The following ALLC variants were observed in gnomAD, a reference collection of about 807,000 sequenced individuals.
ALLC encodes the protein allantoicase.
A neutral mutation model predicts 45.0 loss-of-function variants in ALLC; 40 were observed. The observed-to-expected ratio is 0.89, with a 90% CI of 0.69 to 1.16. The LOEUF is 1.16. ALLC is among the 50% of genes most tolerant of loss of function. The pLI is 0.00. For synonymous variants in ALLC, 176 were observed against 178.1 expected (o/e 0.99, Z 0.09); for missense variants, 488 against 493.1 (o/e 0.99, Z 0.10).
Position 3,697,409 on chromosome 2 carries a change from A to G in ALLC, c.803A>G (p.His268Arg), listed in dbSNP as rs200948204. The G allele has an allele frequency of 1.2e-6, 2 of 1,613,956 alleles. No individual in the cohort carries two copies. Among genetic ancestry groups the G allele is most frequent in the South Asian group, 1.1e-5 (1 of 91,080 alleles). ...GAATGGGCAGTTTTCCGATTGGCAC[A>G]TCCTGGAGTAATAACTCGAATTGAA... ...GCEWAVFRLA[H>R]PGVITRIEID... Residue 268 changes from histidine (H) to arginine (R), a missense_variant, in exon 10 of 12, where the codon CAT becomes CGT. His to Arg is a conservative substitution (Grantham distance 29). Transcript: ENST00000252505.
Position 3,701,779 on chromosome 2 carries a change from C to CT in ALLC, c.975+146dup. ...GAGGTTTAAAACCCCTATCTGCAAA[C>CT]TTTAAGAAGAAAGGCTCTATTTCTC... On this transcript the variant is annotated intron_variant, in intron 11 of 11. Transcript: ENST00000252505. 3 of 1,041,764 alleles carry CT rather than the reference C, an allele frequency of 2.9e-6. No individual in the cohort carries two copies. In the South Asian group the frequency reaches 7.7e-5, roughly 27 times the overall value. The allele number at this position is 1,041,764 out of a possible 1,614,324, so 64.5% of individuals were successfully genotyped here.
Position 3,662,720 on chromosome 2 carries a change from C to G in ALLC, c.-63+4426C>G, listed in dbSNP as rs988303573. ...ACCTGAGTACAATCCATTCTTCTAG[C>G]CTGCAGTCACCCTACTCTCGAAAGA... On this transcript the variant is annotated intron_variant, in intron 1 of 11. Coordinates refer to ENST00000252505, the MANE Select transcript of ALLC (RefSeq NM_018436.4). Among the ~76,000 whole-genome samples the G allele has an allele frequency of 1.7e-4, 26 of 152,300 alleles. No homozygotes were observed. In the South Asian group the frequency reaches 2.3e-3, roughly 13 times the overall value.
intron 2 of ALLC, among the ~76,000 whole-genome samples, chr2:3,672,774 G>A (rs983707485): frequency 4.6e-5 from 7 of 151,856 alleles, no homozygotes; most frequent in South Asian, 2.1e-4. Flanking sequence ...TGGTTAGATC[G>A]GAGGTCCTCT....
Position 3,702,355 on chromosome 2 carries a change from C to T in ALLC, c.976-8C>T, listed in dbSNP as rs765389772. On this transcript the variant is annotated splice_polypyrimidine_tract_variant and splice_region_variant and intron_variant, in intron 11 of 11. Transcript: ENST00000252505. The stretch of plus-strand genomic sequence containing the variant: ...AGACTAGGACCTCTGCATCTGCTTG[C>T]TTTTCAGTTGTCTCCCAACCAAAGT... The T allele has an allele frequency of 1.9e-6, 3 of 1,612,246 alleles. No homozygotes were observed. The Admixed American group carries it at 5.0e-5, about 27-fold the overall frequency.
the ALLC span, among the ~76,000 whole-genome samples, chr2:3,651,309 TGGGTGGGG>T: frequency 0.3 from 3,481 of 11,658 alleles, 955 homozygotes; most frequent in African/African-American, 0.51. Flanking sequence ...GGTGGGTGGG[TGGGTGGGG>T]GGGGTGTGTG....
the ALLC span, among the ~76,000 whole-genome samples, chr2:3,646,507 T>C: frequency 6.6e-6 from 1 of 152,214 alleles, no homozygotes; most frequent in Non-Finnish European, 1.5e-5. Context: ...AACAAGTTTA[T>C]TCCGGACCTG....
At chr2:3,681,788 C>A in intron 6 of ALLC, 75 bp downstream of exon 6, 1 of 1,181,408 alleles carries the variant, frequency 8.5e-7, no homozygotes, top group Non-Finnish European at 1.2e-6. Context: ...GCACACCTGG[C>A]TGTGCAAGGC....
rs1281628639 is a variant in ALLC, at chr2:3,671,085, C to A, written c.-62-11C>A. ...CCCCCAAGGTTGACCGAGCTGCCCT[C>A]TCCCTTCCAGGAAGCACGGCTGATG... is the stretch of plus-strand genomic sequence containing the variant. On this transcript the variant is annotated splice_polypyrimidine_tract_variant and intron_variant, in intron 1 of 11. Coordinates refer to ENST00000252505, the MANE Select transcript of ALLC (RefSeq NM_018436.4). The A allele has an allele frequency of 3.2e-6, 5 of 1,557,692 alleles. No homozygotes were observed. In the East Asian group the frequency reaches 1.2e-4, roughly 36 times the overall value.
chr2:3,676,745 C>A (rs35362305), intron 3 of ALLC, among the ~76,000 whole-genome samples: 2 of 152,024 alleles, frequency 1.3e-5, no homozygotes, highest in African/African-American at 4.8e-5. Context: ...AGTGTGTGCA[C>A]GTGTGTCGGT....
chr2:3,682,816 T>C lies in ALLC; in HGVS notation c.379-126T>C, dbSNP rs146099898. On this transcript the variant is annotated intron_variant, in intron 6 of 11. Coordinates refer to ENST00000252505, the MANE Select transcript of ALLC (RefSeq NM_018436.4). The stretch of plus-strand genomic sequence containing the variant: ...CTGGGATTACAGGCGTGAGCCACCG[T>C]GCCCGGCATCCATCATTAATTTTTA... The C allele has an allele frequency of 3.2e-3, 3,273 of 1,008,586 alleles. 69 individuals are homozygous for C. The African/African-American group carries it at 0.041, about 13-fold the overall frequency. 62.5% of individuals were successfully genotyped at this position (1,008,586 alleles called of 1,614,324 possible).
the ALLC span, among the ~76,000 whole-genome samples, chr2:3,652,744 G>C: frequency 6.6e-6 from 1 of 151,972 alleles, no homozygotes; most frequent in African/African-American, 2.4e-5. Context: ...CACATGCCCG[G>C]CTAATTTTTT....
rs574711719 is a variant in ALLC, at chr2:3,660,553, C to A, written c.-63+2259C>A. Among the ~76,000 whole-genome samples, 12 of 151,308 alleles carry A rather than the reference C, an allele frequency of 7.9e-5. 1 individual carries two copies. In the East Asian group the frequency reaches 2.3e-3, roughly 29 times the overall value. On this transcript the variant is annotated intron_variant, in intron 1 of 11. Transcript: ENST00000252505. ...CTTGAATATCAATTTTTTTTTTCTT[C>A]TCGGCAAGACCATTTACTGCTATAG...
chr2:3,651,302 GGGTGGGT>G, the ALLC span, among the ~76,000 whole-genome samples: 2 of 5,016 alleles, frequency 4.0e-4, no homozygotes, highest in African/African-American at 1.2e-3. Context: ...CTTTTTGGGT[GGGTGGGT>G]GGGTGGGGGG....
At chr2:3,651,297 T>TGGGGGGGGGGGGGGGGGG in the ALLC span, among the ~76,000 whole-genome samples, 1 of 1,720 alleles carries the variant, frequency 5.8e-4, no homozygotes, top group East Asian at 0.015. Context: ...GAATTCTTTT[T>TGGGGGGGGGGGGGGGGGG]GGGTGGGTGG....
At position 3,681,672 on chromosome 2, in the gene ALLC, G is replaced by A; in HGVS notation, c.337G>A (p.Gly113Arg). The part of the protein sequence containing the change: ...PEIPERGTRT[G>R]AAATPEEFEA... ...AATCCCAGAAAGAGGAACCAGGACA[G>A]GAGCTGCAGCCACTCCTGAGGAGTT... The change falls in exon 6 of 12, where the codon GGA (glycine) becomes AGA (arginine). Residue 113 changes from glycine to arginine, a missense_variant. Coordinates refer to ENST00000252505, the MANE Select transcript of ALLC (RefSeq NM_018436.4). The A allele has an allele frequency of 6.2e-7, 1 of 1,611,262 alleles. No individual in the cohort carries two copies. Among genetic ancestry groups the A allele is most frequent in the Non-Finnish European group, 8.5e-7 (1 of 1,178,652 alleles).
At chr2:3,675,740 A>G (rs1161749222) in intron 3 of ALLC, among the ~76,000 whole-genome samples, 1 of 152,222 alleles carries the variant, frequency 6.6e-6, no homozygotes, top group East Asian at 1.9e-4. Context: ...TTCACCTCCA[A>G]CTTGAGTGCC....
chr2:3,662,957 C>T lies in ALLC; in HGVS notation c.-63+4663C>T, dbSNP rs181408766. Among the ~76,000 whole-genome samples, 40 of 152,258 alleles carry T rather than the reference C, an allele frequency of 2.6e-4. No homozygotes were observed. In the East Asian group the frequency reaches 5.0e-3, roughly 19 times the overall value. The stretch of plus-strand genomic sequence containing the variant: ...CAGTGTGATGGAAGAGCACTAGCTT[C>T]GGAGTCAGAGGAAGACATGAGTTCA... On this transcript the variant is annotated intron_variant, in intron 1 of 11. Transcript: ENST00000252505.
At chr2:3,664,472 C>G (rs77681530) in intron 1 of ALLC, among the ~76,000 whole-genome samples, 7,723 of 152,254 alleles carry the variant, frequency 0.051, 228 homozygotes, top group East Asian at 0.11. Context: ...AACTCCTGTT[C>G]TCTAGAGAAG....
intron 1 of ALLC, among the ~76,000 whole-genome samples, chr2:3,668,158 G>A (rs10170213): frequency 0.041 from 6,304 of 152,246 alleles, 457 homozygotes; most frequent in African/African-American, 0.14. Flanking sequence ...ATGCCTGGGG[G>A]CCGTGGGGGC....
Sources: gnomAD v4.1 joint callset for allele counts (sites outside exome capture counted in the v4.1 genomes callset) on GRCh38, gnomAD v4.1.1 for gene constraint, MANE v1.5 for transcripts, NCBI Gene and HGNC (gene_info 2026-07-23, HGNC 2026-07-21) for gene names.